UNC5D: variants seen among roughly 807,000 people sequenced by gnomAD.
UNC5D encodes netrin receptor UNC5D.
UNC5D carries 39 observed loss-of-function variants against 105.4 expected under a neutral mutation model. The observed-to-expected ratio is 0.37, with a 90% CI of 0.29 to 0.48. The LOEUF (loss-of-function observed/expected upper bound fraction) is 0.48, where lower values mean the gene tolerates loss of function less well. Ranked by LOEUF, UNC5D falls within the 20% of genes least tolerant of loss-of-function variation. The pLI is 0.98. For synonymous variants in UNC5D, 452 were observed against 450.4 expected (o/e 1.00, Z -0.04); for missense variants, 991 against 1,202.4 (o/e 0.82, Z 2.60).
At chr8:35,537,466 C>T (rs1814923491) in intron 1 of UNC5D, among the ~76,000 whole-genome samples, 1 of 152,028 alleles carries the variant, frequency 6.6e-6, no homozygotes, top group Non-Finnish European at 1.5e-5. Flanking sequence ...GATCATTTGG[C>T]ACCAGGAGTT....
intron 1 of UNC5D, among the ~76,000 whole-genome samples, chr8:35,271,066 A>G (rs1563266696): frequency 6.6e-6 from 1 of 151,678 alleles, no homozygotes; most frequent in African/African-American, 2.4e-5. Context: ...TGATATTTTA[A>G]GAGAGATTAA....
chr8:35,257,784 C>T (rs1026083800), intron 1 of UNC5D, among the ~76,000 whole-genome samples: 8 of 152,116 alleles, frequency 5.3e-5, no homozygotes, highest in African/African-American at 1.7e-4. Flanking sequence ...ATGCACCTTG[C>T]TAGCCAGATT....
intron 4 of UNC5D, among the ~76,000 whole-genome samples, chr8:35,630,088 G>T (rs1821944918): frequency 6.6e-6 from 1 of 151,988 alleles, no homozygotes; most frequent in Non-Finnish European, 1.5e-5. Flanking sequence ...ATCTTTTATT[G>T]TCTGGACTGA....
chr8:35,565,399 TC>T (rs1200379310), intron 2 of UNC5D, among the ~76,000 whole-genome samples: 5 of 152,190 alleles, frequency 3.3e-5, no homozygotes, highest in African/African-American at 4.8e-5. Flanking sequence ...TTGAAAACAA[TC>T]TGTGTTGTTC....
At chr8:35,264,729 CAAAAAAAAAAAAA>C (rs6150548) in intron 1 of UNC5D, among the ~76,000 whole-genome samples, 119,569 of 143,354 alleles carry the variant, frequency 0.83, 49,102 homozygotes, top group East Asian at 0.99. Flanking sequence ...GACTCTGTCT[CAAAAAAAAAAAAA>C]AAAAAAAAAA....
At chr8:35,487,151 T>C (rs1810875973) in intron 1 of UNC5D, among the ~76,000 whole-genome samples, 1 of 150,850 alleles carries the variant, frequency 6.6e-6, no homozygotes, top group Non-Finnish European at 1.5e-5. Flanking sequence ...GCTGATCTTG[T>C]AATGAGTCAC....
chr8:35,710,585 GC>G (rs1827876584), intron 8 of UNC5D, among the ~76,000 whole-genome samples: 1 of 152,162 alleles, frequency 6.6e-6, no homozygotes, highest in African/African-American at 2.4e-5. Context: ...GATATTTAAA[GC>G]CCTTAGGTTG....
intron 1 of UNC5D, among the ~76,000 whole-genome samples, chr8:35,309,011 A>G (rs2128877184): frequency 6.6e-6 from 1 of 152,210 alleles, no homozygotes; most frequent in East Asian, 1.9e-4. Context: ...TTTTAAGACC[A>G]TTGCTTACCA....
intron 1 of UNC5D, among the ~76,000 whole-genome samples, chr8:35,478,087 T>C (rs1810241425): frequency 6.6e-6 from 1 of 152,170 alleles, no homozygotes; most frequent in African/African-American, 2.4e-5. Context: ...CCAATTCTCT[T>C]CCTTCCCATT....
chr8:35,770,686 T>C (rs967118888), intron 15 of UNC5D, among the ~76,000 whole-genome samples: 6 of 152,250 alleles, frequency 3.9e-5, no homozygotes, highest in African/African-American at 1.4e-4. Flanking sequence ...CCAAGTAATT[T>C]ATTTCATCAT....
At chr8:35,331,219 T>C (rs1395170884) in intron 1 of UNC5D, among the ~76,000 whole-genome samples, 1 of 152,158 alleles carries the variant, frequency 6.6e-6, no homozygotes, top group African/African-American at 2.4e-5. Context: ...AGGAGAGTTA[T>C]ATTGGGGGGC....
At chr8:35,367,576 T>C (rs1802188355) in intron 1 of UNC5D, among the ~76,000 whole-genome samples, 1 of 151,308 alleles carries the variant, frequency 6.6e-6, no homozygotes, top group African/African-American at 2.5e-5. Context: ...TGAACATGCA[T>C]ATCTCAACTG....
intron 1 of UNC5D, among the ~76,000 whole-genome samples, chr8:35,532,343 ATTCTT>A (rs1166253620): frequency 1.4e-5 from 2 of 147,506 alleles, no homozygotes; most frequent in African/African-American, 5.0e-5. Context: ...TGGGCTGAAA[ATTCTT>A]TTCTTTAAGA....
intron 14 of UNC5D, among the ~76,000 whole-genome samples, chr8:35,765,448 T>G (rs779253224): frequency 6.6e-6 from 1 of 152,090 alleles, no homozygotes; most frequent in East Asian, 1.9e-4. Flanking sequence ...TCAGGATTAA[T>G]AACAAACAAA....
chr8:35,259,664 T>A (rs1308355051), intron 1 of UNC5D, among the ~76,000 whole-genome samples: 1 of 151,960 alleles, frequency 6.6e-6, no homozygotes, highest in African/African-American at 2.4e-5. Flanking sequence ...CCTTTGAAAA[T>A]ATAAAATCAC....
At position 35,793,558 on chromosome 8, in the gene UNC5D, C is replaced by T. The variant is rs1395682630; in HGVS notation, c.*2995C>T. ...TTTCAGTCCTCAAAGGCATTTAAGT[C>T]CAATAGTCATGCTTTAAATATGGCT... On this transcript the variant is annotated 3_prime_UTR_variant, in exon 17 of 17. Transcript: ENST00000404895. The T allele has an allele frequency of 6.4e-6, 1 of 155,692 alleles. No homozygotes were observed. The highest frequency in any genetic ancestry group is 1.4e-5 in the Non-Finnish European group (1 of 70,192). The allele number at this position is 155,692 out of a possible 1,614,324, so 9.6% of individuals were successfully genotyped here.
At chr8:35,677,740 C>T (rs1226981242) in intron 4 of UNC5D, among the ~76,000 whole-genome samples, 1 of 151,374 alleles carries the variant, frequency 6.6e-6, no homozygotes, top group Non-Finnish European at 1.5e-5. Context: ...ATTGAAGGAC[C>T]CCAGTCATAA....
At chr8:35,335,174 C>T (rs1194645792) in intron 1 of UNC5D, among the ~76,000 whole-genome samples, 1 of 152,068 alleles carries the variant, frequency 6.6e-6, no homozygotes, top group African/African-American at 2.4e-5. Flanking sequence ...CAATGTTTAT[C>T]CATTTCCCAT....
chr8:35,444,087 T>A (rs1392286442), intron 1 of UNC5D, among the ~76,000 whole-genome samples: 1 of 152,044 alleles, frequency 6.6e-6, no homozygotes, highest in Non-Finnish European at 1.5e-5. Context: ...TTAAAAGTAT[T>A]TGGGGGAACC....
Sources: allele counts gnomAD v4.1 joint callset (sites outside exome capture counted in the v4.1 genomes callset), GRCh38; gene constraint gnomAD v4.1.1; transcripts MANE v1.5; gene names NCBI Gene and HGNC (gene_info 2026-07-23, HGNC 2026-07-21).